The following PDGFD variants were observed in gnomAD, a reference collection of about 807,000 sequenced individuals.
PDGFD encodes platelet derived growth factor D, also known as platelet-derived growth factor D.
Under a neutral mutation model 44.7 loss-of-function variants are expected in PDGFD, and 30 were observed. The ratio of observed to expected loss-of-function variants is 0.67; its 90% CI spans 0.50 to 0.91. PDGFD has a LOEUF of 0.91. PDGFD is among the 40% of genes least tolerant of loss of function. PDGFD has a pLI of 0.00. For missense variants in PDGFD, 445 were observed against 457.8 expected, an observed-to-expected ratio of 0.97 and a Z score of 0.25; for synonymous variants, 173 against 168.4, an observed-to-expected ratio of 1.03 and a Z score of -0.21.
chr11:104,080,571 T>C (rs1383346057), intron 1 of PDGFD, among the ~76,000 whole-genome samples: 3 of 152,210 alleles, frequency 2.0e-5, no homozygotes, highest in East Asian at 3.9e-4. Flanking sequence ...TCCATATTGG[T>C]ATCACAATAT....
chr11:104,103,205 T>C (rs989406132), intron 1 of PDGFD, among the ~76,000 whole-genome samples: 2 of 152,092 alleles, frequency 1.3e-5, no homozygotes, highest in Admixed American at 1.3e-4. Context: ...AGTTTTATGA[T>C]GATTAAATGA....
chr11:103,977,154 C>T (rs1294984097), intron 3 of PDGFD, among the ~76,000 whole-genome samples: 1 of 151,978 alleles, frequency 6.6e-6, no homozygotes, highest in Non-Finnish European at 1.5e-5. Context: ...GAAGTCAAAT[C>T]CCTGAATAGA....
intron 1 of PDGFD, among the ~76,000 whole-genome samples, chr11:104,018,217 T>G (rs933182012): frequency 6.6e-6 from 1 of 151,994 alleles, no homozygotes; most frequent in African/African-American, 2.4e-5. Flanking sequence ...CAGTGTTGTA[T>G]CTGAATCTAA....
intron 5 of PDGFD, among the ~76,000 whole-genome samples, chr11:103,932,192 T>G (rs1410325467): frequency 6.6e-6 from 1 of 151,926 alleles, no homozygotes; most frequent in Non-Finnish European, 1.5e-5. Context: ...TGAGTTTTTT[T>G]TTTTTTACTT....
At chr11:103,949,862 T>G (rs1202567952) in intron 3 of PDGFD, among the ~76,000 whole-genome samples, 1 of 152,122 alleles carries the variant, frequency 6.6e-6, no homozygotes, top group East Asian at 1.9e-4. Flanking sequence ...TAGTAGAGTC[T>G]TGGAAGATAA....
intron 1 of PDGFD, among the ~76,000 whole-genome samples, chr11:104,091,792 C>T (rs1861215910): frequency 6.6e-6 from 1 of 152,170 alleles, no homozygotes; most frequent in South Asian, 2.1e-4. Flanking sequence ...ATCTACACCT[C>T]ATTGCAAAAA....
In PDGFD at chr11:103,966,543, G is replaced by A. The variant is rs147627495; in HGVS notation, c.511-18819C>T. On this transcript the variant is annotated intron_variant, in intron 3 of 6. Coordinates refer to ENST00000393158, the MANE Select transcript of PDGFD (RefSeq NM_025208.5). The stretch of plus-strand genomic sequence containing the variant: ...CAAGAATCTCTGCTCTCAAGAGAGC[G>A]CTGCATTATCCTCTGCCAACTTCTT... Among the ~76,000 whole-genome samples the A allele has an allele frequency of 5.5e-3, 836 of 152,264 alleles. 4 individuals are homozygous for A. The highest frequency in any genetic ancestry group is 8.2e-3 in the Non-Finnish European group (556 of 68,022).
At chr11:103,968,378 C>T (rs541570310) in intron 3 of PDGFD, among the ~76,000 whole-genome samples, 1 of 152,214 alleles carries the variant, frequency 6.6e-6, no homozygotes, top group East Asian at 1.9e-4. Flanking sequence ...CCATCTCCTA[C>T]GGGACGTCTG....
chr11:104,125,580 A>T (rs1861830942), intron 1 of PDGFD, among the ~76,000 whole-genome samples: 1 of 152,106 alleles, frequency 6.6e-6, no homozygotes, highest in African/African-American at 2.4e-5. Flanking sequence ...TATTATATGT[A>T]CTCAGACCTA....
intron 1 of PDGFD, among the ~76,000 whole-genome samples, chr11:104,120,993 C>A (rs1009421143): frequency 2.6e-5 from 4 of 152,042 alleles, no homozygotes; most frequent in African/African-American, 9.6e-5. Flanking sequence ...ACTAACCTGA[C>A]CTCCCATGGC....
At position 103,921,523 on chromosome 11, in the gene PDGFD, A is replaced by C. The variant is rs376447694; in HGVS notation, c.987+5389T>G. Among the ~76,000 whole-genome samples the C allele has an allele frequency of 2.6e-5, 4 of 152,104 alleles. No individual in the cohort carries two copies. The East Asian group carries it at 7.7e-4, about 29-fold the overall frequency. ...ATGCTCGTTGACTTATGATGGGGCT[A>C]TATCCTGATAAACCCATTGGAGGTT... On this transcript the variant is annotated intron_variant, in intron 6 of 6. Coordinates refer to ENST00000393158, the MANE Select transcript of PDGFD (RefSeq NM_025208.5).
At chr11:104,117,021 T>A (rs755259127) in intron 1 of PDGFD, among the ~76,000 whole-genome samples, 7 of 151,842 alleles carry the variant, frequency 4.6e-5, no homozygotes, top group African/African-American at 1.7e-4. Context: ...CGGACCAATA[T>A]AATAATCCAT....
At chr11:104,084,537 T>C (rs1348963562) in intron 1 of PDGFD, among the ~76,000 whole-genome samples, 1 of 151,616 alleles carries the variant, frequency 6.6e-6, no homozygotes, top group African/African-American at 2.4e-5. Flanking sequence ...GGTAGATTTA[T>C]GTGGGGCAAC....
intron 1 of PDGFD, among the ~76,000 whole-genome samples, chr11:104,123,472 A>C (rs2134465379): frequency 6.6e-6 from 1 of 152,214 alleles, no homozygotes; most frequent in Admixed American, 6.5e-5. Flanking sequence ...TAGTCTATGA[A>C]GACAAAAACT....
At chr11:104,145,075 C>T (rs559296653) in intron 1 of PDGFD, among the ~76,000 whole-genome samples, 2 of 152,242 alleles carry the variant, frequency 1.3e-5, no homozygotes, top group Admixed American at 6.5e-5. Context: ...TTCACATTTA[C>T]TTTATAATAA....
chr11:104,067,799 T>G (rs550853109), intron 1 of PDGFD, among the ~76,000 whole-genome samples: 30 of 152,250 alleles, frequency 2.0e-4, no homozygotes, highest in African/African-American at 4.1e-4. Context: ...TTTGATCAAC[T>G]AAAAGATTCT....
chr11:103,947,493 G>A (rs919560302), intron 4 of PDGFD, among the ~76,000 whole-genome samples, 169 bp downstream of exon 4: 1 of 152,184 alleles, frequency 6.6e-6, no homozygotes, highest in Non-Finnish European at 1.5e-5. Flanking sequence ...AGGGAAAAGG[G>A]TTTCTGACAT....
At chr11:103,928,721 A>G (rs1267516162) in intron 5 of PDGFD, among the ~76,000 whole-genome samples, 1 of 152,230 alleles carries the variant, frequency 6.6e-6, no homozygotes, top group Non-Finnish European at 1.5e-5. Context: ...CTTTGTAAAG[A>G]CATGTCATAA....
rs1485578999 is a variant in PDGFD at position 103,909,580 on chromosome 11, C to CA, written c.*113dup. The CA allele has an allele frequency of 7.5e-7, 1 of 1,341,568 alleles. No individual in the cohort carries two copies. Among genetic ancestry groups the CA allele is most frequent in the Non-Finnish European group, 1.0e-6 (1 of 955,566 alleles). 83.1% of individuals were successfully genotyped at this position (1,341,568 alleles called of 1,614,324 possible). ...CTGAGACTCAGCAACCACTTGTGTT[C>CA]ATTGCATTGCAGGCTAGTAGTAAGT... On this transcript the variant is annotated 3_prime_UTR_variant, in exon 7 of 7. Coordinates refer to ENST00000393158, the MANE Select transcript of PDGFD (RefSeq NM_025208.5).
Sources: gnomAD v4.1 joint callset for allele counts (sites outside exome capture counted in the v4.1 genomes callset) on GRCh38, gnomAD v4.1.1 for gene constraint, MANE v1.5 for transcripts, NCBI Gene and HGNC (gene_info 2026-07-23, HGNC 2026-07-21) for gene names.